The following EML5 variants were observed in gnomAD, a reference collection of about 807,000 sequenced individuals.
EML5 encodes echinoderm microtubule-associated protein-like 5.
EML5 carries 120 observed loss-of-function variants against 250.0 expected under a neutral mutation model. That is an observed-to-expected ratio of 0.48 (90% CI 0.41 to 0.56). EML5 has a LOEUF of 0.56. EML5 is among the 20% of genes least tolerant of loss of function. EML5 has a pLI of 0.00. For missense variants in EML5, 2,006 were observed against 2,437.6 expected (o/e 0.82, Z 3.73); for synonymous variants, 771 against 806.5 (o/e 0.96, Z 0.75).
chr14:88,682,851 C>T (rs1008104181), intron 20 of EML5, among the ~76,000 whole-genome samples: 1 of 152,180 alleles, frequency 6.6e-6, no homozygotes, highest in Admixed American at 6.5e-5. Context: ...CTACTGTCCC[C>T]TCTCCCCTTA....
chr14:88,736,103 C>T (rs1426243463), intron 7 of EML5, among the ~76,000 whole-genome samples: 4 of 150,976 alleles, frequency 2.6e-5, no homozygotes, highest in Non-Finnish European at 4.4e-5. Context: ...TGGGTTCAAG[C>T]GATTCTCCTG....
At position 88,665,306 on chromosome 14, in the gene EML5, A is replaced by C. The variant is rs369274426; in HGVS notation, c.3277+31T>G. On this transcript the variant is annotated intron_variant, in intron 22 of 43. Coordinates refer to ENST00000554922, the MANE Select transcript of EML5 (RefSeq NM_183387.3). ...ATTTATACACTGCCAGACCCAAGTT[A>C]ATACTCAAATACAATTTCAATGGAT... 2.6e-5 allele frequency: 42 copies of C among 1,588,640 alleles called. No individual in the cohort carries two copies. The East Asian group carries it at 4.1e-4, about 15-fold the overall frequency.
intron 29 of EML5, among the ~76,000 whole-genome samples, chr14:88,645,268 C>T (rs1384742703): frequency 6.6e-6 from 1 of 152,110 alleles, no homozygotes; most frequent in Non-Finnish European, 1.5e-5. Flanking sequence ...TCAAGTGATC[C>T]GCCTACCTCG....
chr14:88,620,878 A>G lies in EML5; in HGVS notation c.5251T>C (p.Tyr1751His), dbSNP rs2088772621. The change falls in exon 39 of 44, where the codon TAC becomes CAC. Residue 1751 changes from tyrosine to histidine, a missense_variant. This residue lies in a region of EML5 where 405 missense variants were observed against 523.3 expected (regional missense o/e 0.77). Coordinates refer to ENST00000554922, the MANE Select transcript of EML5 (RefSeq NM_183387.3). The surrounding 1 kb of genome is among the most constrained non-coding windows in gnomAD (Gnocchi z 4.3). ...NLGHAARTVC[Y>H]SPEGDMVAIG... ...GCCACCATGTCCCCTTCAGGGCTGT[A>G]ACACACAGTACGAGCAGCATGTCCC... 1 of 1,573,980 alleles carries G rather than the reference A, an allele frequency of 6.4e-7. No individual in the cohort carries two copies. Among genetic ancestry groups the G allele is most frequent in the Non-Finnish European group, 8.6e-7 (1 of 1,159,444 alleles).
rs35920066 is a variant in EML5, at chr14:88,664,275, CA to C, written c.3409+217del. 1.9e-3 allele frequency among the ~76,000 whole-genome samples: 206 copies of C among 105,652 alleles called. 1 individual carries two copies. The highest frequency in any genetic ancestry group is 0.011 in the Middle Eastern group (2 of 182). The allele number at this position is 105,652 out of a possible 152,430, so 69.3% of individuals were successfully genotyped here. A position where few individuals can be genotyped will look rare whatever the true frequency, so the allele number is the denominator to read the frequency against. On this transcript the variant is annotated intron_variant, in intron 23 of 43. Transcript: ENST00000554922. ...CTGGGTGACAGAGTGAGACCTGTCT[CA>C]AAAAAAAAAAAAAAGAAAAGAAAAA... is the stretch of plus-strand genomic sequence containing the variant.
chr14:88,722,147 T>C (rs1336268684), intron 8 of EML5, among the ~76,000 whole-genome samples: 5 of 152,186 alleles, frequency 3.3e-5, no homozygotes. Context: ...GAAATAGGAA[T>C]GCTTTTACAC....
chr14:88,625,060 C>T lies in EML5; in HGVS notation c.4808G>A (p.Arg1603Lys), dbSNP rs752962146. The T allele has an allele frequency of 6.2e-6, 10 of 1,613,906 alleles. No individual in the cohort carries two copies. The South Asian group carries it at 1.1e-4, about 18-fold the overall frequency. The change falls in exon 36 of 44, where the codon AGA becomes AAA. Residue 1603 changes from arginine to lysine, a missense_variant. By Grantham distance (26) the Arg-to-Lys change is conservative (BLOSUM62 2). This residue lies in a region of EML5 where 405 missense variants were observed against 523.3 expected (regional missense o/e 0.77). Coordinates refer to ENST00000554922, the MANE Select transcript of EML5 (RefSeq NM_183387.3). The stretch of plus-strand genomic sequence containing the variant: ...CCCGTTGTGAGCTCTCGCCACGATT[C>T]TACACAATATGTGATCTTTCCACAC... The part of the protein sequence containing the change: ...VCVWKDHILC[R>K]IVARAHNGPV...
rs146665879 is a variant in EML5 at position 88,712,292 on chromosome 14, G to A, written c.1636C>T (p.Arg546Ter). The A allele has an allele frequency of 5.0e-6, 8 of 1,609,156 alleles. No homozygotes were observed. Among genetic ancestry groups the A allele is most frequent in the African/African-American group, 2.7e-5 (2 of 74,758 alleles). Residue 546 changes from arginine to a stop codon, truncating the protein, a stop_gained, in exon 10 of 44, where the codon CGA becomes TGA. Transcript: ENST00000554922. LOFTEE classifies it high-confidence loss of function. ...ADDYGIIKLF[R>*]YPCLRKGAKF... The stretch of plus-strand genomic sequence containing the variant: ...GTACCTTTTCTTAAACATGGATATC[G>A]GAATAATTTTATAATTCCATAGTCA...
chr14:88,619,844 T>C (rs1209478262), intron 39 of EML5: 4 of 152,144 alleles, frequency 2.6e-5, no homozygotes, highest in African/African-American at 9.7e-5. Flanking sequence ...TTTGTATTTT[T>C]AGTTGAGATG....
At chr14:88,688,109 G>T (rs774771471) in intron 18 of EML5, among the ~76,000 whole-genome samples, 162 bp downstream of exon 18, 23 of 152,078 alleles carry the variant, frequency 1.5e-4, no homozygotes, top group Non-Finnish European at 3.2e-4. Context: ...TCTGTGTTCG[G>T]GAGTTTGAAA....
chr14:88,787,125 A>G (rs915979046), intron 1 of EML5, among the ~76,000 whole-genome samples: 5 of 152,230 alleles, frequency 3.3e-5, no homozygotes, highest in African/African-American at 1.2e-4. Context: ...CCAGAATGCT[A>G]TACCTTCTTT....
At chr14:88,721,521 A>C (rs1427077745) in intron 8 of EML5, among the ~76,000 whole-genome samples, 2 of 152,200 alleles carry the variant, frequency 1.3e-5, no homozygotes, top group African/African-American at 4.8e-5. Flanking sequence ...GGGGGAAAGG[A>C]TCTCCTATTC....
intron 41 of EML5, 123 bp downstream of exon 41, chr14:88,618,105 T>C (rs1303590608): frequency 7.6e-6 from 5 of 659,070 alleles, no homozygotes; most frequent in Admixed American, 5.3e-5. Flanking sequence ...TTTCAAAATA[T>C]GGTAACAAAA....
chr14:88,621,174 C>T lies in EML5; in HGVS notation c.5141G>A (p.Arg1714Lys). The T allele has an allele frequency of 6.2e-7, 1 of 1,613,862 alleles. No individual in the cohort carries two copies. Among genetic ancestry groups the T allele is most frequent in the African/African-American group, 1.3e-5 (1 of 75,020 alleles). Residue 1714 changes from arginine (R) to lysine (K), a missense_variant, in exon 38 of 44, where the codon AGG becomes AAG. By Grantham distance (26) the Arg-to-Lys change is conservative. Coordinates refer to ENST00000554922, the MANE Select transcript of EML5 (RefSeq NM_183387.3). ...PIWGLATHPS[R>K]DFFLSAAEDG... is the part of the protein sequence containing the mutation. The stretch of plus-strand genomic sequence containing the variant: ...TTCTGCAGCAGAAAGGAAAAAATCC[C>T]TGGAAGGATGTGTTGCTAGTCCCCA...
At position 88,768,217 on chromosome 14, in the gene EML5, G is replaced by A. The variant is rs565451447; in HGVS notation, c.198-13546C>T. 1.3e-3 allele frequency among the ~76,000 whole-genome samples: 198 copies of A among 152,110 alleles called. 1 individual carries two copies. Among genetic ancestry groups the A allele is most frequent in the African/African-American group, 4.6e-3 (192 of 41,494 alleles). ...CAATATTACTGATGATGTTTACCTC[G>A]ATCCCTTGGTTAAACAGTACATGCC... On this transcript the variant is annotated intron_variant, in intron 1 of 43. Coordinates refer to ENST00000554922, the MANE Select transcript of EML5 (RefSeq NM_183387.3).
rs768144487 is a variant in EML5 at position 88,705,020 on chromosome 14, A to G, written c.1933-42T>C. On this transcript the variant is annotated intron_variant, in intron 12 of 43. Transcript: ENST00000554922. ...AAGTAGAAATATTCTTAGAATATAT[A>G]CTAATAAAGGTGTTCGTATACTCCC... 1.2e-5 allele frequency: 16 copies of G among 1,379,958 alleles called. No homozygotes were observed. In the Admixed American group the frequency reaches 2.9e-4, roughly 25 times the overall value. 85.5% of individuals were successfully genotyped at this position (1,379,958 alleles called of 1,614,324 possible).
chr14:88,756,243 G>A (rs1336389246), intron 1 of EML5, among the ~76,000 whole-genome samples: 1 of 151,810 alleles, frequency 6.6e-6, no homozygotes, highest in Non-Finnish European at 1.5e-5. Flanking sequence ...CAGAAGAAAG[G>A]TCAAAAAAAC....
chr14:88,662,796 C>A (rs2092167672), intron 24 of EML5, among the ~76,000 whole-genome samples: 1 of 152,056 alleles, frequency 6.6e-6, no homozygotes, highest in Non-Finnish European at 1.5e-5. Flanking sequence ...CTGCCTGCCT[C>A]TGCTTCCAAA....
chr14:88,694,694 G>A (rs1427397011), intron 16 of EML5, among the ~76,000 whole-genome samples: 6 of 152,124 alleles, frequency 3.9e-5, no homozygotes, highest in Non-Finnish European at 7.4e-5. Flanking sequence ...TGGCATGAAT[G>A]GGTTAAAGTC....
Sources: gnomAD v4.1 joint callset for allele counts (sites outside exome capture counted in the v4.1 genomes callset) on GRCh38, gnomAD v4.1.1 for gene constraint, gnomAD v4.1.1 regional missense constraint, Gnocchi (gnomAD v3.1) non-coding constraint, MANE v1.5 for transcripts, NCBI Gene and HGNC (gene_info 2026-07-23, HGNC 2026-07-21) for gene names.